NCKAP1L: variants seen among roughly 807,000 people sequenced by gnomAD.
The protein encoded by NCKAP1L is NCK associated protein 1 like.
NCKAP1L carries 53 observed loss-of-function variants against 139.2 expected under a neutral mutation model. That is an observed-to-expected ratio of 0.38 (90% CI 0.31 to 0.48). NCKAP1L has a LOEUF of 0.48. Ranked by LOEUF, NCKAP1L falls within the 20% of genes least tolerant of loss-of-function variation. The pLI, the probability that NCKAP1L is intolerant of heterozygous loss-of-function variation, is 0.98. For missense variants in NCKAP1L, 1,151 were observed against 1,381.9 expected (o/e 0.83, Z 2.65); for synonymous variants, 468 against 499.7 (o/e 0.94, Z 0.85).
chr12:54,530,134 T>A (rs1957056279), intron 22 of NCKAP1L, among the ~76,000 whole-genome samples: 2 of 152,228 alleles, frequency 1.3e-5, no homozygotes, highest in African/African-American at 4.8e-5. Context: ...AAGGTGGAGA[T>A]CACTGGTCCT....
At chr12:54,520,611 A>G (rs1956974092) in intron 16 of NCKAP1L, 83 bp from the exon 17 acceptor site, 1 of 1,451,942 alleles carries the variant, frequency 6.9e-7, no homozygotes, top group African/African-American at 1.4e-5. Flanking sequence ...CTTAAACTCT[A>G]TTTTTCTTTT....
intron 3 of NCKAP1L, among the ~76,000 whole-genome samples, chr12:54,502,320 G>A (rs1956804715): frequency 6.6e-6 from 1 of 152,098 alleles, no homozygotes; most frequent in African/African-American, 2.4e-5. Context: ...TTGGATTTTC[G>A]GGTTAGGGAA....
At position 54,545,893 on chromosome 12, in the gene NCKAP1L, C is replaced by G. The variant is rs1050975544; in HGVS notation, c.*3208C>G. ...TTTGGACAGTAGAAACACTGCCTCCCCTGCCATGGTGTTCAATCCAGTTGG... is the reference window on the plus strand; with the variant it reads ...TTTGGACAGTAGAAACACTGCCTCCGCTGCCATGGTGTTCAATCCAGTTGG... On this transcript the variant is annotated 3_prime_UTR_variant, in exon 31 of 31. Coordinates refer to ENST00000293373, the MANE Select transcript of NCKAP1L (RefSeq NM_005337.5). 3 of 152,246 alleles carry G rather than the reference C, an allele frequency of 2.0e-5. No homozygotes were observed. Among genetic ancestry groups the G allele is most frequent in the Admixed American group, 6.5e-5 (1 of 15,292 alleles). The allele number at this position is 152,246 out of a possible 1,614,324, so 9.4% of individuals were successfully genotyped here.
rs557515116 is a variant in NCKAP1L at position 54,522,517 on chromosome 12, A to G, written c.1879-877A>G. On this transcript the variant is annotated intron_variant, in intron 18 of 30. Coordinates refer to ENST00000293373, the MANE Select transcript of NCKAP1L (RefSeq NM_005337.5). Reference sequence around the variant, plus strand: ...GCATTGCCATTACTAGTGGAATTACATATTTTGGAACTGCTTTCAGAATCT... The same window carrying G: ...GCATTGCCATTACTAGTGGAATTACGTATTTTGGAACTGCTTTCAGAATCT... Among the ~76,000 whole-genome samples, 10 of 152,378 alleles carry G rather than the reference A, an allele frequency of 6.6e-5. No individual in the cohort carries two copies. In the South Asian group the frequency reaches 2.1e-3, roughly 32 times the overall value.
Position 54,542,628 on chromosome 12 carries a change from T to G in NCKAP1L, c.3327T>G (p.Pro1109=). 1 of 1,614,194 alleles carries G rather than the reference T, an allele frequency of 6.2e-7. No homozygotes were observed. Among genetic ancestry groups the G allele is most frequent in the Non-Finnish European group, 8.5e-7 (1 of 1,180,020 alleles). The change falls in exon 31 of 31, where the codon CCT becomes CCG. Residue 1109 remains proline, a synonymous_variant. Transcript: ENST00000293373. Reference sequence around the variant, plus strand: ...TGGACATGCTGGAGTCCTGTTTCCCTTATGTCCTGCTTCGAAATGCCTATC... The same window carrying G: ...TGGACATGCTGGAGTCCTGTTTCCCGTATGTCCTGCTTCGAAATGCCTATC... ...LTLDMLESCF[P]YVLLRNAYRE... is the part of the protein sequence containing the mutation.
At position 54,529,118 on chromosome 12, in the gene NCKAP1L, G is replaced by A. The variant is rs116118166; in HGVS notation, c.2506+741G>A. The stretch of plus-strand genomic sequence containing the variant: ...GGGTATAATAGATACACTTATTCCC[G>A]TTTTTCAGATGAGGACACTGGGACA... On this transcript the variant is annotated intron_variant, in intron 22 of 30. Transcript: ENST00000293373. Among the ~76,000 whole-genome samples, 684 of 152,268 alleles carry A rather than the reference G, an allele frequency of 4.5e-3. 7 individuals are homozygous for A. Among genetic ancestry groups the A allele is most frequent in the African/African-American group, 0.015 (637 of 41,546 alleles).
At chr12:54,540,508 G>A (rs1250561525) in intron 30 of NCKAP1L, among the ~76,000 whole-genome samples, 1 of 152,174 alleles carries the variant, frequency 6.6e-6, no homozygotes, top group Non-Finnish European at 1.5e-5. Flanking sequence ...GCCTTGGCAA[G>A]GCAATGAACT....
At position 54,517,842 on chromosome 12, in the gene NCKAP1L, T is replaced by G; in HGVS notation, c.1242T>G (p.Ile414Met). Residue 414 changes from isoleucine (I) to methionine (M), a missense_variant, in exon 13 of 31, where the codon ATT (isoleucine) becomes ATG (methionine). Coordinates refer to ENST00000293373, the MANE Select transcript of NCKAP1L (RefSeq NM_005337.5). ...AGCTACTTTTCTTGTTGGAGGGGATTAGGTCTCTGGTCCGAAGACACATCA... is the reference window on the plus strand; with the variant it reads ...AGCTACTTTTCTTGTTGGAGGGGATGAGGTCTCTGGTCCGAAGACACATCA... ...IAELLFLLEG[I>M]RSLVRRHIKV... 1 of 1,614,160 alleles carries G rather than the reference T, an allele frequency of 6.2e-7. No homozygotes were observed. Among genetic ancestry groups the G allele is most frequent in the South Asian group, 1.1e-5 (1 of 91,072 alleles).
chr12:54,537,142 G>A lies in NCKAP1L; in HGVS notation c.3183+89G>A, dbSNP rs115122704. 8.0e-3 allele frequency: 6,693 copies of A among 839,312 alleles called. 74 individuals are homozygous for A. The highest frequency in any genetic ancestry group is 0.047 in the Middle Eastern group (212 of 4,544). 52.0% of individuals were successfully genotyped at this position (839,312 alleles called of 1,614,324 possible). On this transcript the variant is annotated intron_variant, in intron 29 of 30. Coordinates refer to ENST00000293373, the MANE Select transcript of NCKAP1L (RefSeq NM_005337.5). ...TCTGTAGACAATTATCGTTGAACAGGCTTTTGAGTCTAACTTCCCACCTAA... is the reference window on the plus strand; with the variant it reads ...TCTGTAGACAATTATCGTTGAACAGACTTTTGAGTCTAACTTCCCACCTAA...
intron 3 of NCKAP1L, among the ~76,000 whole-genome samples, chr12:54,504,226 CT>C (rs1205889707): frequency 1.3e-5 from 2 of 152,108 alleles, no homozygotes; most frequent in African/African-American, 4.8e-5. Flanking sequence ...AATTTTAGCC[CT>C]CTGAGCAACC....
At chr12:54,500,693 C>A in intron 3 of NCKAP1L, 68 bp downstream of exon 3, 4 of 989,354 alleles carry the variant, frequency 4.0e-6, no homozygotes, top group South Asian at 4.0e-5. Context: ...TTTAGATGTT[C>A]ATGTATTTGC....
At chr12:54,508,242 T>G (rs1041139675) in intron 4 of NCKAP1L, 147 bp from the exon 5 acceptor site, 2 of 907,684 alleles carry the variant, frequency 2.2e-6, no homozygotes, top group African/African-American at 3.3e-5. Context: ...TCCAATTTTC[T>G]TATTCTTCTT....
chr12:54,538,232 T>G (rs186126694), intron 29 of NCKAP1L, among the ~76,000 whole-genome samples: 13 of 152,300 alleles, frequency 8.5e-5, no homozygotes, highest in Admixed American at 8.5e-4. Flanking sequence ...CTATTTAAGC[T>G]GAGGCACCCA....
At chr12:54,507,951 A>C (rs1956856317) in intron 4 of NCKAP1L, 42 bp downstream of exon 4, 1 of 1,581,614 alleles carries the variant, frequency 6.3e-7, no homozygotes, top group South Asian at 1.1e-5. Context: ...GAGTCAAAGA[A>C]AAGGCCAGGT....
rs1018560153 is a variant in NCKAP1L, at chr12:54,547,375, C to T, written c.*4690C>T. 1.3e-5 allele frequency: 2 copies of T among 152,186 alleles called. No homozygotes were observed. Among genetic ancestry groups the T allele is most frequent in the East Asian group, 3.9e-4 (2 of 5,178 alleles). The allele number at this position is 152,186 out of a possible 1,614,324, so 9.4% of individuals were successfully genotyped here. A position where few individuals can be genotyped will look rare whatever the true frequency, so the allele number is the denominator to read the frequency against. ...AATTTTTCTGGGTTAGTTTAGTTCT[C>T]ATTTATTTTTATTTTTACTTTTTCC... is the stretch of plus-strand genomic sequence containing the variant. On this transcript the variant is annotated 3_prime_UTR_variant, in exon 31 of 31. Coordinates refer to ENST00000293373, the MANE Select transcript of NCKAP1L (RefSeq NM_005337.5).
intron 9 of NCKAP1L, among the ~76,000 whole-genome samples, chr12:54,514,930 G>A (rs1462063874): frequency 2.0e-5 from 3 of 152,192 alleles, no homozygotes; most frequent in Admixed American, 2.0e-4. Context: ...GATGTTCGAA[G>A]GGTGTTCAGT....
At chr12:54,515,010 C>A (rs1194624488) in intron 9 of NCKAP1L, among the ~76,000 whole-genome samples, 1 of 152,152 alleles carries the variant, frequency 6.6e-6, no homozygotes, top group Non-Finnish European at 1.5e-5. Flanking sequence ...CATAAATGAT[C>A]TAATTTATCT....
intron 4 of NCKAP1L, 69 bp from the exon 5 acceptor site, chr12:54,508,319 GT>G: frequency 6.8e-7 from 1 of 1,479,666 alleles, no homozygotes; most frequent in South Asian, 1.2e-5. Context: ...GTCCAGAGTG[GT>G]TGGGGAAAGA....
Position 54,500,552 on chromosome 12 carries a change from A to C in NCKAP1L, c.233A>C (p.His78Pro). Residue 78 changes from histidine (H) to proline (P), a missense_variant, in exon 3 of 31, where the codon CAT becomes CCT. Physicochemically the swap from His to Pro is moderately conservative, Grantham distance 77. Coordinates refer to ENST00000293373, the MANE Select transcript of NCKAP1L (RefSeq NM_005337.5). Reference sequence around the variant, plus strand: ...TCTCAGCAACATTTAGGACCAGTACATCGTGAAAAAGCCGAGATAATTAGA... The same window carrying C: ...TCTCAGCAACATTTAGGACCAGTACCTCGTGAAAAAGCCGAGATAATTAGA... ...RNSTQHLGPV[H>P]REKAEIIRFL... is the part of the protein sequence containing the mutation. 6.2e-7 allele frequency: 1 copy of C among 1,613,042 alleles called. No individual in the cohort carries two copies. Among genetic ancestry groups the C allele is most frequent in the Non-Finnish European group, 8.5e-7 (1 of 1,179,046 alleles).
Sources: gnomAD v4.1 joint callset for allele counts (sites outside exome capture counted in the v4.1 genomes callset) on GRCh38, gnomAD v4.1.1 for gene constraint, MANE v1.5 for transcripts, NCBI Gene and HGNC (gene_info 2026-07-23, HGNC 2026-07-21) for gene names.